KIAA0825: variants seen among roughly 807,000 people sequenced by gnomAD.
KIAA0825 encodes the protein KIAA0825.
Under a neutral mutation model 147.6 loss-of-function variants are expected in KIAA0825, and 119 were observed. That is an observed-to-expected ratio of 0.81 (90% confidence interval 0.69 to 0.94). The LOEUF (loss-of-function observed/expected upper bound fraction) is 0.94, where lower values mean the gene tolerates loss of function less well. Ranked by LOEUF, KIAA0825 falls within the 40% of genes least tolerant of loss-of-function variation. The probability of loss-of-function intolerance (pLI) is 0.00; values close to 1 mark genes in which losing one functional copy is unlikely to be tolerated. For missense variants in KIAA0825, 1,381 were observed against 1,472.7 expected, an observed-to-expected ratio of 0.94 and a Z score of 1.02; for synonymous variants, 470 against 518.1, an observed-to-expected ratio of 0.91 and a Z score of 1.26.
intron 2 of KIAA0825, among the ~76,000 whole-genome samples, chr5:94,543,702 G>T (rs1773787164): frequency 6.6e-6 from 1 of 152,066 alleles, no homozygotes; most frequent in Non-Finnish European, 1.5e-5. Flanking sequence ...AGGGCTAAGG[G>T]TTAAAATAGC....
At chr5:94,590,775 A>G (rs1784208442) in intron 1 of KIAA0825, among the ~76,000 whole-genome samples, 1 of 152,252 alleles carries the variant, frequency 6.6e-6, no homozygotes, top group African/African-American at 2.4e-5. Context: ...TTATCTAAGG[A>G]AAGGCAAATG....
intron 2 of KIAA0825, among the ~76,000 whole-genome samples, chr5:94,540,120 C>T (rs1008633449): frequency 6.6e-5 from 10 of 152,176 alleles, no homozygotes; most frequent in Non-Finnish European, 1.2e-4. Context: ...TGAGGCAATG[C>T]TTTCCTTTTT....
At chr5:94,355,040 C>T (rs781071515) in intron 20 of KIAA0825, among the ~76,000 whole-genome samples, 17 of 152,212 alleles carry the variant, frequency 1.1e-4, no homozygotes, top group Middle Eastern at 3.2e-3. Flanking sequence ...TGGAGGCAGG[C>T]TTCCACGCTA....
intron 20 of KIAA0825, among the ~76,000 whole-genome samples, chr5:94,208,940 G>A (rs1480682834): frequency 2.0e-5 from 3 of 152,140 alleles, no homozygotes; most frequent in Non-Finnish European, 2.9e-5. Flanking sequence ...TAAAATTCTA[G>A]TTCTCAGGCC....
intron 2 of KIAA0825, among the ~76,000 whole-genome samples, chr5:94,563,075 C>G (rs1011818280): frequency 6.6e-6 from 1 of 152,008 alleles, no homozygotes; most frequent in Admixed American, 6.6e-5. Flanking sequence ...GGCACGGTAG[C>G]TCACGCCTGT....
At chr5:94,298,400 A>G (rs1334594178) in intron 20 of KIAA0825, among the ~76,000 whole-genome samples, 2 of 152,204 alleles carry the variant, frequency 1.3e-5, no homozygotes, top group African/African-American at 4.8e-5. Context: ...ATAAAAATGC[A>G]TAACTAAGAA....
intron 13 of KIAA0825, among the ~76,000 whole-genome samples, chr5:94,444,601 T>C (rs115595051): frequency 6.6e-6 from 1 of 151,936 alleles, no homozygotes; most frequent in Non-Finnish European, 1.5e-5. Context: ...GCAGAGATGA[T>C]GGCCAATCAT....
At chr5:94,205,293 A>C (rs1469000185) in intron 20 of KIAA0825, among the ~76,000 whole-genome samples, 3 of 141,604 alleles carry the variant, frequency 2.1e-5, no homozygotes, top group Non-Finnish European at 4.6e-5. Context: ...ATATATATAT[A>C]TATATATTTT....
chr5:94,550,841 C>G (rs1363997803), intron 2 of KIAA0825, among the ~76,000 whole-genome samples: 4 of 70,998 alleles, frequency 5.6e-5, no homozygotes, highest in Non-Finnish European at 1.1e-4. Context: ...GACTCTATGT[C>G]AAAAAAAAAA....
intron 5 of KIAA0825, among the ~76,000 whole-genome samples, chr5:94,486,790 C>A (rs2151055470): frequency 6.6e-6 from 1 of 152,260 alleles, no homozygotes; most frequent in South Asian, 2.1e-4. Flanking sequence ...GTCTATTTGA[C>A]TTATCTTAAG....
At chr5:94,174,385 A>C (rs1482568006) in intron 20 of KIAA0825, among the ~76,000 whole-genome samples, 2 of 152,066 alleles carry the variant, frequency 1.3e-5, no homozygotes, top group African/African-American at 4.8e-5. Flanking sequence ...ATATATATAT[A>C]TTTAAAATGC....
At chr5:94,175,906 A>G (rs1462107018) in intron 20 of KIAA0825, among the ~76,000 whole-genome samples, 2 of 152,148 alleles carry the variant, frequency 1.3e-5, no homozygotes, top group Non-Finnish European at 2.9e-5. Context: ...AGTCTAATTC[A>G]TTTATAAGCA....
At chr5:94,498,605 C>T (rs1350585504) in intron 5 of KIAA0825, among the ~76,000 whole-genome samples, 2 of 152,158 alleles carry the variant, frequency 1.3e-5, no homozygotes, top group Non-Finnish European at 2.9e-5. Context: ...AATTAACACC[C>T]TTCCCTTTTC....
Position 94,473,357 on chromosome 5 carries a change from C to G in KIAA0825, c.1390G>C (p.Val464Leu). 1 of 1,551,864 alleles carries G rather than the reference C, an allele frequency of 6.4e-7. No homozygotes were observed. The highest frequency in any genetic ancestry group is 8.7e-7 in the Non-Finnish European group (1 of 1,147,036). ...TGGCTGTCTTGCCAAACTTGCTGGA[C>G]ATTTACAAGGTTCATAGCATAGCTC... ...AVSYAMNLVN[V>L]QQVWQDSHMF... The change falls in exon 8 of 21, where the codon GTC (valine) becomes CTC (leucine). Residue 464 changes from valine to leucine, a missense_variant. Coordinates refer to ENST00000682413, the MANE Select transcript of KIAA0825 (RefSeq NM_001145678.3).
chr5:94,370,305 G>T (rs1746499473), intron 20 of KIAA0825, among the ~76,000 whole-genome samples: 1 of 152,144 alleles, frequency 6.6e-6, no homozygotes, highest in Non-Finnish European at 1.5e-5. Context: ...CAGCACAGAG[G>T]AATTTTTGAG....
At chr5:94,482,193 T>C (rs1470464556) in intron 6 of KIAA0825, among the ~76,000 whole-genome samples, 3 of 152,092 alleles carry the variant, frequency 2.0e-5, no homozygotes, top group Non-Finnish European at 4.4e-5. Context: ...TTGTCTACAA[T>C]CAAATTACTG....
At chr5:94,430,055 C>G (rs116426260) in intron 14 of KIAA0825, among the ~76,000 whole-genome samples, 34 of 152,172 alleles carry the variant, frequency 2.2e-4, no homozygotes, top group African/African-American at 7.7e-4. Context: ...GCAGCAAGAT[C>G]TCTGCACAGG....
intron 2 of KIAA0825, among the ~76,000 whole-genome samples, chr5:94,571,564 TA>T (rs955615527): frequency 6.6e-6 from 1 of 152,214 alleles, no homozygotes; most frequent in Non-Finnish European, 1.5e-5. Context: ...GACAGAGTGG[TA>T]TACAAATGTA....
intron 20 of KIAA0825, among the ~76,000 whole-genome samples, chr5:94,313,674 G>A (rs1426872970): frequency 1.3e-5 from 2 of 150,664 alleles, no homozygotes; most frequent in Non-Finnish European, 3.0e-5. Flanking sequence ...TGGCAAAGTC[G>A]GCAAGTTCCT....
Sources: allele counts gnomAD v4.1 joint callset (sites outside exome capture counted in the v4.1 genomes callset), GRCh38; gene constraint gnomAD v4.1.1; transcripts MANE v1.5; gene names NCBI Gene and HGNC (gene_info 2026-07-23, HGNC 2026-07-21).